The following SPATA1 variants were observed in gnomAD, a reference collection of about 807,000 sequenced individuals.
SPATA1 encodes the protein spermatogenesis associated 1.
SPATA1 carries 57 observed loss-of-function variants against 59.6 expected under a neutral mutation model. The observed-to-expected ratio is 0.96, with a 90% confidence interval of 0.77 to 1.19. The LOEUF (loss-of-function observed/expected upper bound fraction) is 1.19. Ranked by LOEUF, SPATA1 falls within the 50% of genes most tolerant of loss-of-function variation. The pLI, the probability that SPATA1 is intolerant of heterozygous loss-of-function variation, is 0.00. For synonymous variants in SPATA1, 147 were observed against 163.9 expected, an observed-to-expected ratio of 0.90 and a Z score of 0.79; for missense variants, 448 against 480.7, an observed-to-expected ratio of 0.93 and a Z score of 0.64.
chr1:84,543,405 A>G (rs1263828353), intron 8 of SPATA1, among the ~76,000 whole-genome samples: 1 of 152,180 alleles, frequency 6.6e-6, no homozygotes, highest in Non-Finnish European at 1.5e-5. Flanking sequence ...TAATTGGCTC[A>G]CGGTTCTGCA....
At chr1:84,523,917 A>G (rs1443700006) in intron 4 of SPATA1, among the ~76,000 whole-genome samples, 2 of 151,974 alleles carry the variant, frequency 1.3e-5, no homozygotes, top group African/African-American at 4.8e-5. Context: ...AAATCCTTCT[A>G]ATATTTTATT....
At chr1:84,563,909 C>T in intron 4 of SPATA1, 1 of 1,437,318 alleles carries the variant, frequency 7.0e-7, no homozygotes, top group African/African-American at 1.4e-5. Context: ...TGCAACCGTT[C>T]AGAATCTGTT....
intron 1 of SPATA1, among the ~76,000 whole-genome samples, chr1:84,514,980 G>T (rs1558570630): frequency 6.6e-6 from 1 of 151,366 alleles, no homozygotes. Context: ...CAAAAAAAAA[G>T]AAAAAAAATT....
At chr1:84,529,511 C>A (rs1022925711) in intron 6 of SPATA1, among the ~76,000 whole-genome samples, 18 of 148,786 alleles carry the variant, frequency 1.2e-4, no homozygotes, top group African/African-American at 4.2e-4. Flanking sequence ...CCTTCTGAAA[C>A]GTGACATTTT....
At chr1:84,511,587 C>A (rs1682549905) in intron 1 of SPATA1, among the ~76,000 whole-genome samples, 2 of 151,096 alleles carry the variant, frequency 1.3e-5, no homozygotes, top group African/African-American at 4.9e-5. Flanking sequence ...CCTCATTCCT[C>A]CATTGGTTCT....
At chr1:84,515,416 G>T (rs141906174) in intron 1 of SPATA1, among the ~76,000 whole-genome samples, 1,694 of 148,650 alleles carry the variant, frequency 0.011, 12 homozygotes, top group Middle Eastern at 0.019. Flanking sequence ...GGGTTTTGTA[G>T]AGCTGTAATC....
At chr1:84,541,735 T>C (rs1683911192) in intron 8 of SPATA1, among the ~76,000 whole-genome samples, 2 of 152,196 alleles carry the variant, frequency 1.3e-5, no homozygotes. Context: ...CTGCTCAGTT[T>C]TGAGGTTTTC....
downstream of SPATA1, among the ~76,000 whole-genome samples, chr1:84,559,262 C>T (rs1684538677): frequency 3.9e-5 from 6 of 152,146 alleles, no homozygotes; most frequent in Admixed American, 3.9e-4. Context: ...GATCTGCAAT[C>T]AGTGGTCTTT....
At chr1:84,522,321 T>G in intron 3 of SPATA1, 69 bp from the exon 4 acceptor site, 1 of 835,722 alleles carries the variant, frequency 1.2e-6, no homozygotes, top group Non-Finnish European at 1.7e-6. Context: ...CTGACTAAAG[T>G]TATTGAATCA....
exon 11 of SPATA1, chr1:84,548,867 A>G: frequency 1.3e-6 from 2 of 1,597,120 alleles, no homozygotes; most frequent in South Asian, 2.2e-5. Context: ...AAACTTCGAG[A>G]AGATTTGGAA....
intron 10 of SPATA1, among the ~76,000 whole-genome samples, chr1:84,546,633 C>T (rs146555915): frequency 0.01 from 1,574 of 152,206 alleles, 11 homozygotes; most frequent in Middle Eastern, 0.034. Context: ...TCTAGGTCTT[C>T]GGGCATGCTT....
chr1:84,526,885 AAAAG>A (rs1683248234), intron 6 of SPATA1, among the ~76,000 whole-genome samples: 1 of 151,556 alleles, frequency 6.6e-6, no homozygotes, highest in Non-Finnish European at 1.5e-5. Flanking sequence ...AAAAAAAAAA[AAAAG>A]ATAGGTAATT....
At chr1:84,533,004 C>A in intron 7 of SPATA1, 30 bp downstream of exon 7, 5 of 1,395,758 alleles carry the variant, frequency 3.6e-6, no homozygotes, top group Non-Finnish European at 4.9e-6. Flanking sequence ...ATTCCACATG[C>A]CATAATCTAA....
intron 4 of SPATA1, among the ~76,000 whole-genome samples, chr1:84,523,079 A>G (rs1683092294): frequency 6.6e-6 from 1 of 151,838 alleles, no homozygotes. Flanking sequence ...TAAGTTTTGT[A>G]TTTTTAGTAG....
exon 13 of SPATA1, chr1:84,553,864 C>A (rs1045671832): frequency 2.0e-5 from 3 of 152,102 alleles, no homozygotes; most frequent in Non-Finnish European, 4.4e-5. Flanking sequence ...CTAATAAGGG[C>A]AGCACAATGT....
At chr1:84,519,273 G>A (rs549063414) in intron 2 of SPATA1, among the ~76,000 whole-genome samples, 1 of 151,996 alleles carries the variant, frequency 6.6e-6, no homozygotes, top group East Asian at 1.9e-4. Context: ...TAATGAAAAT[G>A]TTATTGATGA....
chr1:84,533,569 T>C, intron 7 of SPATA1, 140 bp from the exon 8 acceptor site: 1 of 662,048 alleles, frequency 1.5e-6, no homozygotes, highest in Non-Finnish European at 2.7e-6. Context: ...TGAAAGAACA[T>C]ATGATAATGG....
At chr1:84,546,024 A>G (rs1036675493) in intron 10 of SPATA1, among the ~76,000 whole-genome samples, 3 of 152,196 alleles carry the variant, frequency 2.0e-5, no homozygotes, top group Admixed American at 6.5e-5. Context: ...TAATTCTTCT[A>G]TTCATTTATC....
chr1:84,521,916 T>C (rs766402497), intron 3 of SPATA1, among the ~76,000 whole-genome samples: 7 of 152,308 alleles, frequency 4.6e-5, no homozygotes, highest in South Asian at 4.1e-4. Context: ...CTTTAAATTT[T>C]AGATATTCAG....
Sources: gnomAD v4.1 joint callset for allele counts (sites outside exome capture counted in the v4.1 genomes callset) on GRCh38, gnomAD v4.1.1 for gene constraint, MANE v1.5 for transcripts, NCBI Gene and HGNC (gene_info 2026-07-23, HGNC 2026-07-21) for gene names.